The following PALM2AKAP2 variants were observed in gnomAD, a reference collection of about 807,000 sequenced individuals.
PALM2AKAP2 encodes PALM2-AKAP2 fusion protein.
A neutral mutation model predicts 71.5 loss-of-function variants in PALM2AKAP2; 37 were observed. The observed-to-expected ratio is 0.52, with a 90% confidence interval of 0.40 to 0.68. PALM2AKAP2 has a LOEUF of 0.68. Ranked by LOEUF, PALM2AKAP2 falls within the 30% of genes least tolerant of loss-of-function variation. The pLI, the probability that PALM2AKAP2 is intolerant of heterozygous loss-of-function variation, is 0.00. For synonymous variants in PALM2AKAP2, 468 were observed against 478.8 expected, an observed-to-expected ratio of 0.98 and a Z score of 0.29; for missense variants, 1,224 against 1,191.8, an observed-to-expected ratio of 1.03 and a Z score of -0.40.
chr9:110,136,114 C>G lies in PALM2AKAP2; in HGVS notation c.157-13C>G. The G allele has an allele frequency of 6.5e-7, 1 of 1,545,550 alleles. No individual in the cohort carries two copies. The highest frequency in any genetic ancestry group is 8.7e-7 in the Non-Finnish European group (1 of 1,150,366). ...AGTATTTAACCCTGACTTTTGTTTACTCTTTATTCCAGAAGCCTCCCCAGC... is the reference window on the plus strand; with the variant it reads ...AGTATTTAACCCTGACTTTTGTTTAGTCTTTATTCCAGAAGCCTCCCCAGC... On this transcript the variant is annotated splice_polypyrimidine_tract_variant and intron_variant, in intron 1 of 3. Transcript: ENST00000374525.
chr9:109,720,228 A>G (rs1323576275), intron 1 of PALM2AKAP2, among the ~76,000 whole-genome samples: 1 of 152,196 alleles, frequency 6.6e-6, no homozygotes, highest in Admixed American at 6.5e-5. Flanking sequence ...ACCTCAGGTC[A>G]TCTGCCTGCC....
chr9:109,902,022 A>G (rs1480242991), intron 3 of PALM2AKAP2, among the ~76,000 whole-genome samples: 2 of 152,134 alleles, frequency 1.3e-5, no homozygotes, highest in Non-Finnish European at 2.9e-5. Flanking sequence ...ATAGAGTTCT[A>G]TCACAGATTA....
At chr9:110,014,806 G>GTATA (rs34408706) in intron 6 of PALM2AKAP2, among the ~76,000 whole-genome samples, 11 of 41,548 alleles carry the variant, frequency 2.6e-4, no homozygotes, top group African/African-American at 4.5e-4. Context: ...AAAAAAAAAT[G>GTATA]TATATATATA....
At chr9:109,652,990 AT>A (rs1447007800) in intron 1 of PALM2AKAP2, among the ~76,000 whole-genome samples, 2 of 152,246 alleles carry the variant, frequency 1.3e-5, no homozygotes, top group Non-Finnish European at 2.9e-5. Context: ...GCATAAAAAA[AT>A]CTTTAATGTT....
At chr9:110,041,554 C>T (rs913282997) in intron 7 of PALM2AKAP2, among the ~76,000 whole-genome samples, 15 of 151,786 alleles carry the variant, frequency 9.9e-5, no homozygotes, top group Admixed American at 9.2e-4. Flanking sequence ...AAGGGTTTGG[C>T]GGAGGAGAGG....
intron 2 of PALM2AKAP2, among the ~76,000 whole-genome samples, chr9:110,153,807 A>G (rs2119203682): frequency 2.0e-5 from 3 of 152,372 alleles, no homozygotes; most frequent in Middle Eastern, 6.8e-3. Flanking sequence ...TTGAGAAGAC[A>G]AAAGCTTCAA....
At chr9:109,979,949 A>G (rs1234663630) in intron 6 of PALM2AKAP2, among the ~76,000 whole-genome samples, 1 of 152,184 alleles carries the variant, frequency 6.6e-6, no homozygotes, top group Non-Finnish European at 1.5e-5. Flanking sequence ...CCTGGATGAC[A>G]CCGGCATCCT....
chr9:109,945,307 C>T (rs1831478670), intron 6 of PALM2AKAP2: 1 of 152,066 alleles, frequency 6.6e-6, no homozygotes, highest in Middle Eastern at 3.2e-3. Context: ...AATAAAGGAG[C>T]TAAGTTCTGC....
chr9:110,163,710 C>G (rs942557499), intron 3 of PALM2AKAP2, among the ~76,000 whole-genome samples: 2 of 152,148 alleles, frequency 1.3e-5, no homozygotes, highest in Non-Finnish European at 2.9e-5. Flanking sequence ...ATCACTGTGG[C>G]TCTGGTTCAT....
intron 1 of PALM2AKAP2, among the ~76,000 whole-genome samples, chr9:110,051,124 G>A (rs1346064635): frequency 6.6e-6 from 1 of 152,218 alleles, no homozygotes; most frequent in Admixed American, 6.5e-5. Context: ...GAGATGCTAG[G>A]ATGAGAGGAA....
chr9:110,095,136 T>G (rs191531024), intron 1 of PALM2AKAP2, among the ~76,000 whole-genome samples: 11 of 152,352 alleles, frequency 7.2e-5, no homozygotes, highest in African/African-American at 2.6e-4. Context: ...GTCCCCTTTT[T>G]GACGGCTGGG....
Position 110,053,527 on chromosome 9 carries a change from C to CAAAAAAAA in PALM2AKAP2, c.156+4686_156+4693dup, listed in dbSNP as rs56132919. Among the ~76,000 whole-genome samples the CAAAAAAAA allele has an allele frequency of 2.3e-3, 193 of 82,622 alleles. No homozygotes were observed. In the South Asian group the frequency reaches 0.027, roughly 12 times the overall value. 54.2% of individuals were successfully genotyped at this position (82,622 alleles called of 152,430 possible). A position where few individuals can be genotyped will look rare whatever the true frequency, so the allele number is the denominator to read the frequency against. On this transcript the variant is annotated intron_variant, in intron 1 of 3. Transcript: ENST00000374525. ...TGGTGACAGAGCAAGAACTCTGTCT[C>CAAAAAAAA]AAAAAAAAAAAAAAAAAAAAAGAAA...
chr9:109,758,588 G>A (rs1482450111), intron 1 of PALM2AKAP2, among the ~76,000 whole-genome samples: 1 of 146,262 alleles, frequency 6.8e-6, no homozygotes, highest in African/African-American at 2.6e-5. Context: ...AAATAATAAT[G>A]TATTTGTATT....
intron 2 of PALM2AKAP2, among the ~76,000 whole-genome samples, chr9:110,140,784 A>G (rs1836008660): frequency 6.6e-6 from 1 of 152,020 alleles, no homozygotes; most frequent in African/African-American, 2.4e-5. Context: ...CCCTTCACCA[A>G]CACCCTCCTT....
chr9:109,663,304 G>A (rs960492834), intron 1 of PALM2AKAP2, among the ~76,000 whole-genome samples: 2 of 152,094 alleles, frequency 1.3e-5, no homozygotes, highest in African/African-American at 2.4e-5. Context: ...GATCTTTCCT[G>A]CTTTCTCTTG....
At chr9:109,831,346 T>C (rs533195620) in intron 1 of PALM2AKAP2, among the ~76,000 whole-genome samples, 18 of 152,154 alleles carry the variant, frequency 1.2e-4, no homozygotes, top group Non-Finnish European at 2.5e-4. Flanking sequence ...TTCATTCACC[T>C]TTCAGCCTCT....
At position 110,159,765 on chromosome 9, in the gene PALM2AKAP2, G is replaced by A. The variant is rs890520015; in HGVS notation, c.2748+3268G>A. Among the ~76,000 whole-genome samples the A allele has an allele frequency of 2.6e-5, 4 of 152,220 alleles. No homozygotes were observed. The South Asian group carries it at 8.3e-4, about 32-fold the overall frequency. On this transcript the variant is annotated intron_variant, in intron 3 of 3. Coordinates refer to ENST00000374525, the Ensembl canonical transcript of PALM2AKAP2. ...CCATCAGGGGTGTGGTGGCCTCTGG[G>A]GTCCTGTCCACAGGGACTCAGCTCA...
At chr9:110,146,050 C>T (rs909431596) in intron 2 of PALM2AKAP2, among the ~76,000 whole-genome samples, 3 of 151,824 alleles carry the variant, frequency 2.0e-5, no homozygotes, top group African/African-American at 7.3e-5. Context: ...AGGTGCCCAC[C>T]ACCGCGTCCA....
intron 7 of PALM2AKAP2, among the ~76,000 whole-genome samples, chr9:110,034,457 C>A (rs1490872952): frequency 6.6e-6 from 1 of 151,994 alleles, no homozygotes; most frequent in East Asian, 1.9e-4. Flanking sequence ...CACACCCAGC[C>A]TCTTTTGCAT....
Sources: gnomAD v4.1 joint callset for allele counts (sites outside exome capture counted in the v4.1 genomes callset) on GRCh38, gnomAD v4.1.1 for gene constraint, MANE v1.5 for transcripts, NCBI Gene and HGNC (gene_info 2026-07-23, HGNC 2026-07-21) for gene names.